Variants in ANK1 observed in about 807,000 individuals in gnomAD.
ANK1 encodes the protein ankyrin 1.
Under a neutral mutation model 210.4 loss-of-function variants are expected in ANK1, and 51 were observed. The observed-to-expected ratio is 0.24, with a 90% CI of 0.19 to 0.31. The LOEUF is 0.31. Among genes scored for constraint, ANK1 ranks in the 10% least tolerant of loss-of-function variants. The pLI, the probability that ANK1 is intolerant of heterozygous loss-of-function variation, is 1.00. For synonymous variants in ANK1, 967 were observed against 1,025.9 expected (o/e 0.94, Z 1.10); for missense variants, 2,051 against 2,504.4 (o/e 0.82, Z 3.86).
chr8:41,791,744 T>G (rs1847774888), intron 1 of ANK1, among the ~76,000 whole-genome samples: 1 of 152,160 alleles, frequency 6.6e-6, no homozygotes, highest in Non-Finnish European at 1.5e-5. Flanking sequence ...TGCCCTTTCT[T>G]CCAAAATATT....
chr8:41,693,826 A>C (rs760442851), intron 29 of ANK1, 72 bp downstream of exon 29: 25 of 1,510,908 alleles, frequency 1.7e-5, no homozygotes, highest in Non-Finnish European at 2.2e-5. Context: ...CGCCTTCTCG[A>C]GTCACCCCCC....
intron 1 of ANK1, among the ~76,000 whole-genome samples, chr8:41,774,849 C>G (rs770244786): frequency 6.6e-6 from 1 of 152,150 alleles, no homozygotes; most frequent in Non-Finnish European, 1.5e-5. Flanking sequence ...ACTGGGGAGC[C>G]GAGACTAGAG....
chr8:41,817,323 C>A (rs532256543), intron 1 of ANK1, among the ~76,000 whole-genome samples: 1 of 152,296 alleles, frequency 6.6e-6, no homozygotes, highest in Admixed American at 6.5e-5. Flanking sequence ...ATGCAAGACA[C>A]TTTTGTTTCC....
At chr8:41,699,815 C>T (rs375432163) in intron 22 of ANK1, among the ~76,000 whole-genome samples, 40 of 152,304 alleles carry the variant, frequency 2.6e-4, no homozygotes, top group African/African-American at 7.9e-4. Context: ...GAACTTTGTT[C>T]GCTTAGTTCC....
intron 38 of ANK1, among the ~76,000 whole-genome samples, chr8:41,671,350 G>A (rs1347515353): frequency 6.6e-6 from 1 of 152,158 alleles, no homozygotes; most frequent in Non-Finnish European, 1.5e-5. Flanking sequence ...ACTTCCCTGG[G>A]TACTGGTGCT....
Position 41,714,160 on chromosome 8 carries a change from G to A in ANK1, c.1796C>T (p.Ala599Val), listed in dbSNP as rs779480626. 29 of 1,399,726 alleles carry A rather than the reference G, an allele frequency of 2.1e-5. No individual in the cohort carries two copies. The highest frequency in any genetic ancestry group is 2.7e-5 in the Non-Finnish European group (29 of 1,060,164). The allele number at this position is 1,399,726 out of a possible 1,614,324, so 86.7% of individuals were successfully genotyped here. Residue 599 changes from alanine (A) to valine (V), a missense_variant, in exon 16 of 43, where the codon GCC becomes GTC. Physicochemically the swap from Ala to Val is moderately conservative, Grantham distance 64. Transcript: ENST00000289734. ...LPRGGSPHSP[A>V]WNGYTPLHIA... ...GGGGAGAGGGGCGGGCCTTACCCAGGCAGGGCTGTGCGGGGAGCCGCCCCG... is the reference window on the plus strand; with the variant it reads ...GGGGAGAGGGGCGGGCCTTACCCAGACAGGGCTGTGCGGGGAGCCGCCCCG...
At chr8:41,743,480 T>C (rs1835292977) in intron 2 of ANK1, among the ~76,000 whole-genome samples, 1 of 152,244 alleles carries the variant, frequency 6.6e-6, no homozygotes, top group African/African-American at 2.4e-5. Flanking sequence ...GAAGGAGTGC[T>C]TTCCCATCTT....
At chr8:41,703,577 G>A (rs1022883589) in intron 20 of ANK1, among the ~76,000 whole-genome samples, 2 of 150,262 alleles carry the variant, frequency 1.3e-5, no homozygotes, top group Admixed American at 1.3e-4. Flanking sequence ...TTGACCTCCC[G>A]GACTCAGGCT....
At chr8:41,845,287 A>G (rs1290604591) in intron 1 of ANK1, among the ~76,000 whole-genome samples, 1 of 151,872 alleles carries the variant, frequency 6.6e-6, no homozygotes, top group African/African-American at 2.4e-5. Context: ...GGGGAGGCTG[A>G]GGCAGGGGAA....
chr8:41,688,412 G>A (rs1017516600), intron 34 of ANK1, 99 bp downstream of exon 34: 28 of 1,487,688 alleles, frequency 1.9e-5, no homozygotes, highest in Non-Finnish European at 2.4e-5. Flanking sequence ...CTGAGCGAGC[G>A]GCACCTCAGC....
At chr8:41,667,563 A>C (rs1020052745) in intron 39 of ANK1, among the ~76,000 whole-genome samples, 1 of 152,112 alleles carries the variant, frequency 6.6e-6, no homozygotes, top group South Asian at 2.1e-4. Flanking sequence ...GTAGATCATC[A>C]TGGGGCCTGG....
intron 26 of ANK1, among the ~76,000 whole-genome samples, chr8:41,695,935 G>T (rs557353613): frequency 4.7e-5 from 7 of 150,372 alleles, no homozygotes; most frequent in Non-Finnish European, 1.0e-4. Context: ...CGTCCTCAGG[G>T]GAAACGGCCA....
At chr8:41,778,664 A>T (rs1844629264) in intron 1 of ANK1, among the ~76,000 whole-genome samples, 2 of 152,242 alleles carry the variant, frequency 1.3e-5, no homozygotes. Context: ...TGTGAATGTT[A>T]TGTAAAGGAA....
chr8:41,703,249 C>G (rs1823360084), intron 20 of ANK1, among the ~76,000 whole-genome samples: 2 of 151,584 alleles, frequency 1.3e-5, no homozygotes, highest in African/African-American at 4.9e-5. Context: ...TAAAGATAAC[C>G]TTGAGCCCTG....
chr8:41,671,982 A>C (rs1472425872), intron 38 of ANK1, among the ~76,000 whole-genome samples: 28 of 83,320 alleles, frequency 3.4e-4, no homozygotes, highest in African/African-American at 4.8e-4. Context: ...CTAAGTGAGC[A>C]CTCCAGGCAC....
intron 1 of ANK1, among the ~76,000 whole-genome samples, chr8:41,847,601 T>C (rs1466156298): frequency 6.6e-6 from 1 of 152,190 alleles, no homozygotes; most frequent in Non-Finnish European, 1.5e-5. Flanking sequence ...CGTGAAAGAT[T>C]ACTCATCTTC....
At chr8:41,671,323 G>A (rs1377958125) in intron 38 of ANK1, among the ~76,000 whole-genome samples, 2 of 152,168 alleles carry the variant, frequency 1.3e-5, no homozygotes, top group Admixed American at 6.5e-5. Flanking sequence ...TGCAGGCTGT[G>A]TGACTGCACA....
chr8:41,692,170 T>A (rs1037321434), intron 31 of ANK1, among the ~76,000 whole-genome samples: 1 of 151,934 alleles, frequency 6.6e-6, no homozygotes, highest in African/African-American at 2.4e-5. Context: ...GATTCTCCTA[T>A]CTCAGCCACC....
chr8:41,843,885 G>T (rs907467147), intron 1 of ANK1, among the ~76,000 whole-genome samples: 3 of 152,160 alleles, frequency 2.0e-5, no homozygotes, highest in Non-Finnish European at 4.4e-5. Flanking sequence ...ATTTGTCACT[G>T]AGGGAAGCCA....
Sources: allele counts gnomAD v4.1 joint callset (sites outside exome capture counted in the v4.1 genomes callset), GRCh38; gene constraint gnomAD v4.1.1; transcripts MANE v1.5; gene names NCBI Gene and HGNC (gene_info 2026-07-23, HGNC 2026-07-21).